The following ITPR2 variants were observed in gnomAD, a reference collection of about 807,000 sequenced individuals.
ITPR2 encodes the protein inositol 1,4,5-trisphosphate receptor type 2.
ITPR2 carries 207 observed loss-of-function variants against 317.1 expected under a neutral mutation model. The ratio of observed to expected loss-of-function variants is 0.65; its 90% confidence interval spans 0.58 to 0.73. ITPR2 has a LOEUF of 0.73. Among genes scored for constraint, ITPR2 ranks in the 30% least tolerant of loss-of-function variants. The pLI is 0.00. For synonymous variants in ITPR2, 1,156 were observed against 1,149.1 expected, an observed-to-expected ratio of 1.01 and a Z score of -0.12; for missense variants, 2,613 against 3,284.0, an observed-to-expected ratio of 0.80 and a Z score of 4.99.
At chr12:26,513,110 G>C (rs1943399294) in intron 37 of ITPR2, among the ~76,000 whole-genome samples, 1 of 151,962 alleles carries the variant, frequency 6.6e-6, no homozygotes, top group African/African-American at 2.4e-5. Flanking sequence ...CAAAGTGCTG[G>C]GATTACCGGT....
intron 1 of ITPR2, among the ~76,000 whole-genome samples, chr12:26,806,732 G>A (rs948485383): frequency 3.3e-5 from 5 of 152,116 alleles, no homozygotes; most frequent in Non-Finnish European, 7.3e-5. Context: ...TAGAGACAGG[G>A]TTTCGCCACG....
intron 31 of ITPR2, 88 bp from the exon 32 acceptor site, chr12:26,595,678 T>A: frequency 1.9e-6 from 2 of 1,058,462 alleles, no homozygotes; most frequent in Admixed American, 3.0e-5. Flanking sequence ...ATAAAATCTG[T>A]TAGTTTTTAT....
intron 34 of ITPR2, among the ~76,000 whole-genome samples, chr12:26,562,652 A>G (rs1944850357): frequency 6.6e-6 from 1 of 152,140 alleles, no homozygotes; most frequent in Non-Finnish European, 1.5e-5. Flanking sequence ...CCAGGTGTGC[A>G]GTCAACCAAA....
At chr12:26,785,226 T>G (rs1250730673) in intron 2 of ITPR2, among the ~76,000 whole-genome samples, 4 of 18,350 alleles carry the variant, frequency 2.2e-4, no homozygotes, top group Non-Finnish European at 4.4e-4. Context: ...GGTGAGGGGC[T>G]CCTCTGCCCG....
intron 55 of ITPR2, among the ~76,000 whole-genome samples, chr12:26,353,482 G>A (rs1289295239): frequency 6.6e-6 from 1 of 152,184 alleles, no homozygotes; most frequent in Non-Finnish European, 1.5e-5. Context: ...CTCTTACAGA[G>A]GGGTCTGCCC....
Position 26,475,892 on chromosome 12 carries a change from G to C in ITPR2, c.6220-474C>G, listed in dbSNP as rs114034850. The stretch of plus-strand genomic sequence containing the variant: ...GGGCTATGTATGTTTCTGAGGAAGC[G>C]CAGAGCAGGGGCATATACTCAAGCA... On this transcript the variant is annotated intron_variant, in intron 44 of 56. Coordinates refer to ENST00000381340, the MANE Select transcript of ITPR2 (RefSeq NM_002223.4). Among the ~76,000 whole-genome samples the C allele has an allele frequency of 2.0e-5, 3 of 152,302 alleles. 1 individual carries two copies. The highest frequency in any genetic ancestry group is 4.1e-4 in the South Asian group (2 of 4,830).
At chr12:26,581,676 AAATTT>A (rs1214732618) in intron 32 of ITPR2, among the ~76,000 whole-genome samples, 2 of 152,180 alleles carry the variant, frequency 1.3e-5, no homozygotes, top group African/African-American at 4.8e-5. Flanking sequence ...CCTAGGATTA[AAATTT>A]AATTTAATTT....
At chr12:26,779,865 G>A (rs1403211460) in intron 2 of ITPR2, among the ~76,000 whole-genome samples, 1 of 152,214 alleles carries the variant, frequency 6.6e-6, no homozygotes, top group Admixed American at 6.5e-5. Flanking sequence ...CTTGGAAGAA[G>A]CATGATTGGA....
intron 37 of ITPR2, among the ~76,000 whole-genome samples, chr12:26,543,949 C>T (rs1270195903): frequency 6.6e-6 from 1 of 152,120 alleles, no homozygotes; most frequent in Non-Finnish European, 1.5e-5. Context: ...AGCTCTCAGA[C>T]TTGTTAGGGT....
chr12:26,800,474 G>C (rs192603571), intron 1 of ITPR2, among the ~76,000 whole-genome samples: 69 of 152,202 alleles, frequency 4.5e-4, no homozygotes, highest in African/African-American at 1.7e-3. Flanking sequence ...ATCAAAAATG[G>C]TCAGATAGCT....
chr12:26,422,017 G>GT (rs35639506), intron 49 of ITPR2, among the ~76,000 whole-genome samples: 35,365 of 150,902 alleles, frequency 0.23, 4,107 homozygotes, highest in Middle Eastern at 0.28. Flanking sequence ...ATGTTTGTTT[G>GT]TTAATTAGTG....
chr12:26,784,817 G>A (rs1195348768), intron 2 of ITPR2, among the ~76,000 whole-genome samples: 2 of 76,568 alleles, frequency 2.6e-5, no homozygotes, highest in African/African-American at 9.1e-5. Flanking sequence ...TCTGGGATAC[G>A]GGGAGCCTCT....
At chr12:26,515,969 A>G (rs1428496791) in intron 37 of ITPR2, among the ~76,000 whole-genome samples, 7 of 150,466 alleles carry the variant, frequency 4.7e-5, no homozygotes, top group Non-Finnish European at 1.0e-4. Flanking sequence ...AAAAGAAAAA[A>G]GCTGGGTGTG....
At chr12:26,801,034 ACAGGCTGACGACTG>A (rs1950547351) in intron 1 of ITPR2, 1 of 192,164 alleles carries the variant, frequency 5.2e-6, no homozygotes, top group African/African-American at 2.8e-5. Flanking sequence ...GCTCATCTTC[ACAGGCTGACGACTG>A]AGTGGGCACT....
intron 55 of ITPR2, among the ~76,000 whole-genome samples, chr12:26,378,826 A>C (rs1293935710): frequency 6.6e-6 from 1 of 152,216 alleles, no homozygotes; most frequent in Non-Finnish European, 1.5e-5. Flanking sequence ...GGAAGTATGC[A>C]GTTGCCAACC....
chr12:26,782,029 TATATGTATAGAGAGAGAG>T (rs1223353412), intron 2 of ITPR2, among the ~76,000 whole-genome samples: 2 of 24,126 alleles, frequency 8.3e-5, no homozygotes, highest in Admixed American at 5.2e-4. Flanking sequence ...TATATATATA[TATATGTATAGAGAGAGAG>T]AGAGAGAGAG....
At chr12:26,667,173 A>G (rs1205392246) in intron 13 of ITPR2, among the ~76,000 whole-genome samples, 1 of 152,244 alleles carries the variant, frequency 6.6e-6, no homozygotes, top group East Asian at 1.9e-4. Context: ...AAGAGCTTCA[A>G]CAATTCCAGG....
At chr12:26,619,217 A>T (rs11048618) in intron 26 of ITPR2, among the ~76,000 whole-genome samples, 10,721 of 152,276 alleles carry the variant, frequency 0.07, 454 homozygotes, top group Middle Eastern at 0.14. Context: ...TTATCTTGTA[A>T]CTCTAAAATT....
intron 10 of ITPR2, among the ~76,000 whole-genome samples, chr12:26,688,443 A>T (rs1216710977): frequency 6.6e-6 from 1 of 152,186 alleles, no homozygotes; most frequent in Non-Finnish European, 1.5e-5. Context: ...AAAGGTAAGC[A>T]TTATAATTTC....
Sources: allele counts gnomAD v4.1 joint callset (sites outside exome capture counted in the v4.1 genomes callset), GRCh38; gene constraint gnomAD v4.1.1; transcripts MANE v1.5; gene names NCBI Gene and HGNC (gene_info 2026-07-23, HGNC 2026-07-21).